The following APBA2 variants were observed in gnomAD, a reference collection of about 807,000 sequenced individuals.
APBA2 encodes amyloid beta precursor protein binding family A member 2, also known as amyloid-beta A4 precursor protein-binding family A member 2.
Under a neutral mutation model 75.0 loss-of-function variants are expected in APBA2, and 30 were observed. The observed-to-expected ratio is 0.40, with a 90% CI of 0.30 to 0.54. The LOEUF (loss-of-function observed/expected upper bound fraction) is 0.54. Among genes scored for constraint, APBA2 ranks in the 20% least tolerant of loss-of-function variants. The pLI, the probability that APBA2 is intolerant of heterozygous loss-of-function variation, is 0.49. For missense variants in APBA2, 801 were observed against 1,016.1 expected (o/e 0.79, Z 2.88); for synonymous variants, 444 against 409.6 (o/e 1.08, Z -1.01).
intron 2 of APBA2, among the ~76,000 whole-genome samples, chr15:28,941,540 A>G (rs892276751): frequency 6.6e-5 from 10 of 150,902 alleles, no homozygotes; most frequent in South Asian, 4.2e-4. Context: ...TGGAAGCACA[A>G]CCAACGGTTA....
chr15:28,906,734 T>A (rs1385718226), intron 1 of APBA2, among the ~76,000 whole-genome samples: 3 of 152,250 alleles, frequency 2.0e-5, no homozygotes, highest in Non-Finnish European at 4.4e-5. Context: ...TTTGTATTTG[T>A]AAAAATTGTG....
chr15:28,938,526 C>A (rs976922459), intron 2 of APBA2, among the ~76,000 whole-genome samples: 1 of 152,070 alleles, frequency 6.6e-6, no homozygotes, highest in Admixed American at 6.6e-5. Context: ...CTTGAGACAG[C>A]GTGACAGAGT....
chr15:29,005,864 A>AAAATAAATAAATAAATAAATAAAT (rs3054523), intron 3 of APBA2, among the ~76,000 whole-genome samples: 4 of 151,320 alleles, frequency 2.6e-5, no homozygotes, highest in African/African-American at 9.8e-5. Flanking sequence ...ACTCTGTCTC[A>AAAATAAATAAATAAATAAATAAAT]AAATAAATAA....
At chr15:29,105,746 G>T (rs1029449623) in intron 11 of APBA2, among the ~76,000 whole-genome samples, 188 bp downstream of exon 11, 2 of 152,320 alleles carry the variant, frequency 1.3e-5, no homozygotes, top group Non-Finnish European at 2.9e-5. Context: ...TGAGGTGTTT[G>T]TAACAAAGAA....
In APBA2 at chr15:29,046,534, A is replaced by G. The variant is rs2041341079; in HGVS notation, c.-40-7311A>G. ...ATTTGTTGACAAGGAGGTCAGATCC[A>G]TTCCCTGGGCCGTCATCAGAGACCT... On this transcript the variant is annotated intron_variant, in intron 3 of 14. Transcript: ENST00000683413. This position sits in a 1 kb window ranked among gnomAD's most constrained non-coding sequence, Gnocchi z 5.0. Among the ~76,000 whole-genome samples, 1 of 152,184 alleles carries G rather than the reference A, an allele frequency of 6.6e-6. No individual in the cohort carries two copies. Among genetic ancestry groups the G allele is most frequent in the Admixed American group, 6.5e-5 (1 of 15,282 alleles).
intron 4 of APBA2, among the ~76,000 whole-genome samples, chr15:29,074,282 T>C (rs2042750928): frequency 6.6e-6 from 1 of 152,214 alleles, no homozygotes; most frequent in African/African-American, 2.4e-5. Flanking sequence ...AGAGGTGGCA[T>C]GTACACACAG....
intron 2 of APBA2, among the ~76,000 whole-genome samples, chr15:28,968,887 C>T (rs2036883545): frequency 6.6e-6 from 1 of 152,102 alleles, no homozygotes; most frequent in Admixed American, 6.5e-5. Context: ...GTCTCTTGCC[C>T]TTCATTCTTG....
chr15:29,043,519 A>G (rs1402142588), intron 3 of APBA2, among the ~76,000 whole-genome samples: 1 of 152,236 alleles, frequency 6.6e-6, no homozygotes, highest in Non-Finnish European at 1.5e-5. Context: ...GGAAGGAAAT[A>G]GGTACCATTG....
chr15:29,040,661 A>T (rs2040989943), intron 3 of APBA2, among the ~76,000 whole-genome samples: 1 of 152,194 alleles, frequency 6.6e-6, no homozygotes, highest in African/African-American at 2.4e-5. Flanking sequence ...ACCTGAGTGG[A>T]TTTATCGTCT....
At position 29,117,234 on chromosome 15, in the gene APBA2, C is replaced by T. The variant is rs977804082; in HGVS notation, c.*101C>T. On this transcript the variant is annotated 3_prime_UTR_variant, in exon 15 of 15. Transcript: ENST00000683413. ...CAGACTTGACCCCGACGCCACAGCCCAGCCACGGACGCTGGCTCCCCAAAG... is the reference window on the plus strand; with the variant it reads ...CAGACTTGACCCCGACGCCACAGCCTAGCCACGGACGCTGGCTCCCCAAAG... 7 of 1,127,396 alleles carry T rather than the reference C, an allele frequency of 6.2e-6. No individual in the cohort carries two copies. The African/African-American group carries it at 7.7e-5, about 12-fold the overall frequency. 69.8% of individuals were successfully genotyped at this position (1,127,396 alleles called of 1,614,324 possible).
At chr15:28,913,081 T>A (rs1357090447) in intron 1 of APBA2, among the ~76,000 whole-genome samples, 1 of 152,240 alleles carries the variant, frequency 6.6e-6, no homozygotes, top group Non-Finnish European at 1.5e-5. Flanking sequence ...TAAAGCAGCA[T>A]GTGTCTGCAC....
At chr15:29,111,670 G>A (rs1285696869) in intron 13 of APBA2, among the ~76,000 whole-genome samples, 1 of 152,098 alleles carries the variant, frequency 6.6e-6, no homozygotes, top group Non-Finnish European at 1.5e-5. Flanking sequence ...CATGGTGGGG[G>A]TTGAGGGTAG....
intron 2 of APBA2, among the ~76,000 whole-genome samples, chr15:28,976,047 G>T (rs1338265491): frequency 1.3e-5 from 2 of 152,140 alleles, no homozygotes; most frequent in East Asian, 1.9e-4. Context: ...TAAATTAATA[G>T]GTCCTCTTTT....
At chr15:28,971,363 A>T (rs923803310) in intron 2 of APBA2, among the ~76,000 whole-genome samples, 58 of 152,294 alleles carry the variant, frequency 3.8e-4, no homozygotes, top group African/African-American at 1.4e-3. Context: ...CAACTAGGGG[A>T]CAATTAATGT....
chr15:28,958,430 A>C (rs1237311573), intron 2 of APBA2, among the ~76,000 whole-genome samples: 1 of 152,266 alleles, frequency 6.6e-6, no homozygotes, highest in East Asian at 1.9e-4. Context: ...TTTTAAGTGC[A>C]CAGATAGGTG....
intron 9 of APBA2, among the ~76,000 whole-genome samples, chr15:29,098,856 T>G (rs1432555286): frequency 6.6e-6 from 1 of 152,106 alleles, no homozygotes; most frequent in Non-Finnish European, 1.5e-5. Context: ...TAGCCTGACC[T>G]CTGGGGACAG....
intron 3 of APBA2, among the ~76,000 whole-genome samples, chr15:29,002,322 G>C (rs576365564): frequency 6.6e-6 from 1 of 152,322 alleles, no homozygotes; most frequent in African/African-American, 2.4e-5. Context: ...CTCCTGTATC[G>C]CAGCAGAGCA....
intron 13 of APBA2, among the ~76,000 whole-genome samples, chr15:29,112,163 C>T (rs1425405610): frequency 6.6e-6 from 1 of 152,242 alleles, no homozygotes; most frequent in Non-Finnish European, 1.5e-5. Flanking sequence ...CCACTCGGCA[C>T]CTTGTATCCC....
At position 29,064,918 on chromosome 15, in the gene APBA2, CA is replaced by C. The variant is rs980701338; in HGVS notation, c.952-10002del. ...GAGCAGCTCTGGTGGATTGGGAAGG[CA>C]GAGGCATGGGAATGGTAGATGGACA... On this transcript the variant is annotated intron_variant, in intron 4 of 14. Transcript: ENST00000683413. Among the ~76,000 whole-genome samples the C allele has an allele frequency of 1.6e-4, 25 of 152,218 alleles. No individual in the cohort carries two copies. The South Asian group carries it at 2.3e-3, about 14-fold the overall frequency.
Sources: allele counts gnomAD v4.1 joint callset (sites outside exome capture counted in the v4.1 genomes callset), GRCh38; gene constraint gnomAD v4.1.1; non-coding constraint Gnocchi (gnomAD v3.1); transcripts MANE v1.5; gene names NCBI Gene and HGNC (gene_info 2026-07-23, HGNC 2026-07-21).